The following LRRC10 variants were observed in gnomAD, a reference collection of about 807,000 sequenced individuals.
LRRC10 encodes the protein leucine-rich repeat-containing protein 10.
In LRRC10, 6 loss-of-function variants were observed where a neutral mutation model predicts 11.1. The ratio of observed to expected loss-of-function variants is 0.54; its 90% CI spans 0.30 to 1.07. The LOEUF (loss-of-function observed/expected upper bound fraction) is 1.07, where lower values mean the gene tolerates loss of function less well. Among genes scored for constraint, LRRC10 ranks in the 50% least tolerant of loss-of-function variants. The pLI, the probability that LRRC10 is intolerant of heterozygous loss-of-function variation, is 0.07. For synonymous variants in LRRC10, 145 were observed against 153.6 expected (o/e 0.94, Z 0.41); for missense variants, 320 against 355.5 (o/e 0.90, Z 0.80).
At position 69,610,797 on chromosome 12, in the gene LRRC10, A is replaced by G; in HGVS notation, c.42T>C (p.Ala14=). 6.2e-7 allele frequency: 1 copy of G among 1,613,448 alleles called. No individual in the cohort carries two copies. The highest frequency in any genetic ancestry group is 8.5e-7 in the Non-Finnish European group (1 of 1,179,722). ...TGACCACATAGTTCTGGCAACGGTC[A>G]GCAGGGATGAAGGCCACGAGGGCCC... ...TIRALVAFIP[A]DRCQNYVVRD... Residue 14 remains alanine, a synonymous_variant, in exon 1 of 1, where the codon GCT becomes GCC. Transcript: ENST00000361484.
In LRRC10 at chr12:69,610,035, TG is replaced by T; in HGVS notation, c.803del (p.Pro268GlnfsTer63). ...AGTTGGTAGGAGGAAGTAGAGGGAC[TG>T]GTGCCTGTAGCTCCTGGCTTTCCTC... Reference protein sequence around the residue: ...VREESQELQAPVPLLPPTNS With the variant: ...VREESQELQAXVPLLPPTNS On this transcript the variant is annotated frameshift_variant, in exon 1 of 1. Transcript: ENST00000361484. LOFTEE classifies it low-confidence loss of function (END_TRUNC). The T allele has an allele frequency of 6.2e-7, 1 of 1,614,216 alleles. No individual in the cohort carries two copies. Among genetic ancestry groups the T allele is most frequent in the African/African-American group, 1.3e-5 (1 of 75,076 alleles).
In LRRC10 at chr12:69,610,015, G is replaced by GT. The variant is rs1447382950; in HGVS notation, c.823dup (p.Thr275AsnfsTer41). 1.9e-6 allele frequency: 3 copies of GT among 1,613,840 alleles called. No homozygotes were observed. Among genetic ancestry groups the GT allele is most frequent in the Non-Finnish European group, 2.5e-6 (3 of 1,179,814 alleles). On this transcript the variant is annotated frameshift_variant, in exon 1 of 1. Coordinates refer to ENST00000361484, the MANE Select transcript of LRRC10 (RefSeq NM_201550.4). LOFTEE classifies it high-confidence loss of function. The stretch of plus-strand genomic sequence containing the variant: ...TGCAACTGAAGCTCCTCAGGAGTTG[G>GT]TAGGAGGAAGTAGAGGGACTGGTGC...
chr12:69,610,392 CAG>C lies in LRRC10; in HGVS notation c.445_446del (p.Leu149AlafsTer32). ...AACGCAGGGCGTTGGAGCCGGCATGCAGAGTCTTAAGGAGACTCAGCTCACAG... is the reference window on the plus strand; with the variant it reads ...AACGCAGGGCGTTGGAGCCGGCATGCAGTCTTAAGGAGACTCAGCTCACAG... Reference protein sequence around the residue: ...VVCELSLLKTLHAGSNALRLL... With the variant: ...VVCELSLLKTXHAGSNALRLL... On this transcript the variant is annotated frameshift_variant, in exon 1 of 1. Transcript: ENST00000361484. LOFTEE classifies it high-confidence loss of function. 1.2e-6 allele frequency: 2 copies of C among 1,613,786 alleles called. No homozygotes were observed. The highest frequency in any genetic ancestry group is 4.5e-5 in the East Asian group (2 of 44,886).
In LRRC10 at chr12:69,610,098, G is replaced by T. The variant is rs778555681; in HGVS notation, c.741C>A (p.Pro247=). Residue 247 remains proline, a synonymous_variant, in exon 1 of 1, where the codon CCC becomes CCA. Transcript: ENST00000361484. ...VGRWAEETPE[P]DPRKARRYAL... ...CATAGCGCCTGGCTTTTCTAGGGTC[G>T]GGCTCTGGCGTCTCCTCTGCCCATC... The T allele has an allele frequency of 6.2e-7, 1 of 1,614,188 alleles. No individual in the cohort carries two copies.
chr12:69,609,974 G>A lies in LRRC10; in HGVS notation c.*31C>T. On this transcript the variant is annotated 3_prime_UTR_variant, in exon 1 of 1. Transcript: ENST00000361484. ...GGCTTCCAGAACATGCTGCAGTTGGGTCCTTGGCATTGACTTGCAACTGAA... is the reference window on the plus strand; with the variant it reads ...GGCTTCCAGAACATGCTGCAGTTGGATCCTTGGCATTGACTTGCAACTGAA... 6.3e-7 allele frequency: 1 copy of A among 1,598,300 alleles called. No individual in the cohort carries two copies.
In LRRC10 at chr12:69,609,942, A is replaced by C; in HGVS notation, c.*63T>G. On this transcript the variant is annotated 3_prime_UTR_variant, in exon 1 of 1. Coordinates refer to ENST00000361484, the MANE Select transcript of LRRC10 (RefSeq NM_201550.4). ...ACCCAGAGCCATCCTTTCCACTCCAATGGAGAGGCTTCCAGAACATGCTGC... is the reference window on the plus strand; with the variant it reads ...ACCCAGAGCCATCCTTTCCACTCCACTGGAGAGGCTTCCAGAACATGCTGC... 3 of 1,514,738 alleles carry C rather than the reference A, an allele frequency of 2.0e-6. No individual in the cohort carries two copies. In the South Asian group the frequency reaches 3.7e-5, roughly 19 times the overall value. 93.8% of individuals were successfully genotyped at this position (1,514,738 alleles called of 1,614,324 possible).
In LRRC10 at chr12:69,610,873, A is replaced by G. The variant is rs1199450810; in HGVS notation, c.-35T>C. On this transcript the variant is annotated 5_prime_UTR_variant, in exon 1 of 1. Coordinates refer to ENST00000361484, the MANE Select transcript of LRRC10 (RefSeq NM_201550.4). ...GGGGGCATGGCGAGCCCCAGAGGAC[A>G]GACTCACTGAGCGGGGCTGGCTCAG... The G allele has an allele frequency of 6.7e-7, 1 of 1,496,080 alleles. No individual in the cohort carries two copies. The highest frequency in any genetic ancestry group is 9.0e-7 in the Non-Finnish European group (1 of 1,108,010). The allele number at this position is 1,496,080 out of a possible 1,614,324, so 92.7% of individuals were successfully genotyped here.
rs778318582 is a variant in LRRC10, at chr12:69,610,704, G to T, written c.135C>A (p.Pro45=). ...DLSGSQLRRF[P]LHVCSFRELV... ...GCTCCCTGAAGGAGCACACGTGCAG[G>T]GGGAAGCGGCGTAACTGGCTCCCAC... Residue 45 remains proline, a synonymous_variant, in exon 1 of 1, where the codon CCC becomes CCA. Transcript: ENST00000361484. 1.9e-6 allele frequency: 3 copies of T among 1,614,126 alleles called. No homozygotes were observed. The highest frequency in any genetic ancestry group is 8.5e-7 in the Non-Finnish European group (1 of 1,180,024).
At position 69,610,872 on chromosome 12, in the gene LRRC10, C is replaced by G; in HGVS notation, c.-34G>C. ...TGGGGGCATGGCGAGCCCCAGAGGA[C>G]AGACTCACTGAGCGGGGCTGGCTCA... On this transcript the variant is annotated 5_prime_UTR_variant, in exon 1 of 1. Transcript: ENST00000361484. 6.6e-7 allele frequency: 1 copy of G among 1,506,634 alleles called. No individual in the cohort carries two copies. 93.3% of individuals were successfully genotyped at this position (1,506,634 alleles called of 1,614,324 possible). A position where few individuals can be genotyped will look rare whatever the true frequency, so the allele number is the denominator to read the frequency against.
At position 69,610,336 on chromosome 12, in the gene LRRC10, T is replaced by C; in HGVS notation, c.503A>G (p.Glu168Gly). ...GCCCGAGAGCCAGATGGTCCTCAGC[T>C]CCTGGAGGCGCCGGAGCTGGCCTGG... is the stretch of plus-strand genomic sequence containing the variant. ...LLPGQLRRLQELRTIWLSGNR... is the reference protein window; with the variant it reads ...LLPGQLRRLQGLRTIWLSGNR... Residue 168 changes from glutamate to glycine, a missense_variant, in exon 1 of 1, where the codon GAG becomes GGG. Glu to Gly is a moderately conservative substitution (Grantham distance 98). Coordinates refer to ENST00000361484, the MANE Select transcript of LRRC10 (RefSeq NM_201550.4). The C allele has an allele frequency of 6.2e-7, 1 of 1,613,412 alleles. No homozygotes were observed. Among genetic ancestry groups the C allele is most frequent in the Non-Finnish European group, 8.5e-7 (1 of 1,179,536 alleles).
Position 69,610,377 on chromosome 12 carries a change from G to A in LRRC10, c.462C>T (p.Asn154=), listed in dbSNP as rs780713335. The change falls in exon 1 of 1, where the codon AAC becomes AAT. Residue 154 remains asparagine (N), a synonymous_variant. Coordinates refer to ENST00000361484, the MANE Select transcript of LRRC10 (RefSeq NM_201550.4). ...GCTGGCCTGGCAGCAAACGCAGGGC[G>A]TTGGAGCCGGCATGCAGAGTCTTAA... is the stretch of plus-strand genomic sequence containing the variant. ...SLLKTLHAGS[N]ALRLLPGQLR... 6.8e-6 allele frequency: 11 copies of A among 1,613,530 alleles called. No homozygotes were observed. Among genetic ancestry groups the A allele is most frequent in the African/African-American group, 2.7e-5 (2 of 74,938 alleles).
In LRRC10 at chr12:69,609,788, A is replaced by T. The variant is rs1191674575; in HGVS notation, c.*217T>A. ...AAGAAGTTATGATCTCTGGATTGTC[A>T]TGCCATCATTGGCACACAACTCCCC... On this transcript the variant is annotated 3_prime_UTR_variant, in exon 1 of 1. Transcript: ENST00000361484. The T allele has an allele frequency of 2.6e-5, 15 of 574,378 alleles. No homozygotes were observed. Among genetic ancestry groups the T allele is most frequent in the Non-Finnish European group, 4.6e-5 (15 of 322,784 alleles). The allele number at this position is 574,378 out of a possible 1,614,324, so 35.6% of individuals were successfully genotyped here. A position where few individuals can be genotyped will look rare whatever the true frequency, so the allele number is the denominator to read the frequency against.
chr12:69,609,558 G>C lies in LRRC10; in HGVS notation c.*447C>G, dbSNP rs1443784776. Reference sequence around the variant, plus strand: ...GTGGCCTCAGTGATACATTGATACTGTTTATGGTCATTTACAGTAAAGAAA... The same window carrying C: ...GTGGCCTCAGTGATACATTGATACTCTTTATGGTCATTTACAGTAAAGAAA... On this transcript the variant is annotated 3_prime_UTR_variant, in exon 1 of 1. Transcript: ENST00000361484. The C allele has an allele frequency of 1.8e-5, 3 of 170,262 alleles. No individual in the cohort carries two copies. Among genetic ancestry groups the C allele is most frequent in the Non-Finnish European group, 3.9e-5 (3 of 77,718 alleles). The allele number at this position is 170,262 out of a possible 1,614,324, so 10.5% of individuals were successfully genotyped here. A position where few individuals can be genotyped will look rare whatever the true frequency, so the allele number is the denominator to read the frequency against.
rs538939242 is a variant in LRRC10, at chr12:69,610,135, C to G, written c.704G>C (p.Arg235Pro). 8.1e-6 allele frequency: 13 copies of G among 1,614,120 alleles called. No homozygotes were observed. In the African/African-American group the frequency reaches 1.3e-4, roughly 17 times the overall value. Residue 235 changes from arginine to proline, a missense_variant, in exon 1 of 1, where the codon CGC becomes CCC. Coordinates refer to ENST00000361484, the MANE Select transcript of LRRC10 (RefSeq NM_201550.4). ...RNAPKVAKGV[R>P]RVGRWAEETP... Reference sequence around the variant, plus strand: ...CTCCTCTGCCCATCTCCCCACACGGCGCACACCTTTGGCCACCTTGGGTGC... The same window carrying G: ...CTCCTCTGCCCATCTCCCCACACGGGGCACACCTTTGGCCACCTTGGGTGC...
rs766986579 is a variant in LRRC10, at chr12:69,609,694, CAG to C, written c.*309_*310del. On this transcript the variant is annotated 3_prime_UTR_variant, in exon 1 of 1. Coordinates refer to ENST00000361484, the MANE Select transcript of LRRC10 (RefSeq NM_201550.4). ...GTCACTTCTGGAGAGTGCAGGAGTTCAGAGTGTCCCAGCCCCTTTTGCTCTTC... is the reference window on the plus strand; with the variant it reads ...GTCACTTCTGGAGAGTGCAGGAGTTCAGTGTCCCAGCCCCTTTTGCTCTTC... 3 of 370,662 alleles carry C rather than the reference CAG, an allele frequency of 8.1e-6. No individual in the cohort carries two copies. Among genetic ancestry groups the C allele is most frequent in the African/African-American group, 2.0e-5 (1 of 49,208 alleles). The allele number at this position is 370,662 out of a possible 1,614,324, so 23.0% of individuals were successfully genotyped here.
Position 69,610,407 on chromosome 12 carries a change from ACT to A in LRRC10, c.430_431del (p.Leu145ProfsTer2). ...TQLPDVVCEL[S>X]LLKTLHAGSN... Reference sequence around the variant, plus strand: ...AGCCGGCATGCAGAGTCTTAAGGAGACTCAGCTCACAGACCACATCCGGCAGC... The same window carrying A: ...AGCCGGCATGCAGAGTCTTAAGGAGACAGCTCACAGACCACATCCGGCAGC... On this transcript the variant is annotated frameshift_variant, in exon 1 of 1. Transcript: ENST00000361484. LOFTEE classifies it high-confidence loss of function. 2 of 1,613,788 alleles carry A rather than the reference ACT, an allele frequency of 1.2e-6. No individual in the cohort carries two copies. The highest frequency in any genetic ancestry group is 1.7e-6 in the Non-Finnish European group (2 of 1,179,934).
chr12:69,610,801 G>A lies in LRRC10; in HGVS notation c.38C>T (p.Pro13Leu). The A allele has an allele frequency of 6.2e-7, 1 of 1,613,102 alleles. No individual in the cohort carries two copies. Among genetic ancestry groups the A allele is most frequent in the Non-Finnish European group, 8.5e-7 (1 of 1,179,550 alleles). The change falls in exon 1 of 1, where the codon CCT becomes CTT. Residue 13 changes from proline (P) to leucine (L), a missense_variant. Coordinates refer to ENST00000361484, the MANE Select transcript of LRRC10 (RefSeq NM_201550.4). ...NTIRALVAFI[P>L]ADRCQNYVVR... The stretch of plus-strand genomic sequence containing the variant: ...CACATAGTTCTGGCAACGGTCAGCA[G>A]GGATGAAGGCCACGAGGGCCCTGAT...
chr12:69,610,714 C>G lies in LRRC10; in HGVS notation c.125G>C (p.Arg42Pro), dbSNP rs746667362. ...KMVDLSGSQLRRFPLHVCSFR... is the reference protein window; with the variant it reads ...KMVDLSGSQLPRFPLHVCSFR... ...GGAGCACACGTGCAGGGGGAAGCGG[C>G]GTAACTGGCTCCCACTCAGATCCAC... is the stretch of plus-strand genomic sequence containing the variant. Residue 42 changes from arginine (R) to proline (P), a missense_variant, in exon 1 of 1, where the codon CGC becomes CCC. Arg to Pro is a moderately radical substitution (Grantham distance 103). Coordinates refer to ENST00000361484, the MANE Select transcript of LRRC10 (RefSeq NM_201550.4). 6.2e-7 allele frequency: 1 copy of G among 1,614,130 alleles called. No individual in the cohort carries two copies. The highest frequency in any genetic ancestry group is 8.5e-7 in the Non-Finnish European group (1 of 1,180,022).
Position 69,610,835 on chromosome 12 carries a change from C to A in LRRC10, c.4G>T (p.Gly2Trp). Residue 2 changes from glycine to tryptophan, a missense_variant, in exon 1 of 1, where the codon GGG becomes TGG. Coordinates refer to ENST00000361484, the MANE Select transcript of LRRC10 (RefSeq NM_201550.4). Reference protein sequence around the residue: MGNTIRALVAFI... With the variant: MWNTIRALVAFI... ...GCCACGAGGGCCCTGATGGTGTTCC[C>A]CATGCGGAGGCTGGGGGCATGGCGA... 6.3e-7 allele frequency: 1 copy of A among 1,593,158 alleles called. No homozygotes were observed. The highest frequency in any genetic ancestry group is 8.6e-7 in the Non-Finnish European group (1 of 1,169,258).
Sources: allele counts gnomAD v4.1 joint callset, GRCh38; gene constraint gnomAD v4.1.1; transcripts MANE v1.5; gene names NCBI Gene and HGNC (gene_info 2026-07-23, HGNC 2026-07-21).